RYR3: variants seen among roughly 807,000 people sequenced by gnomAD.
RYR3 encodes brain ryanodine receptor-calcium release channel.
A neutral mutation model predicts 584.3 loss-of-function variants in RYR3; 207 were observed. The observed-to-expected ratio is 0.35, with a 90% CI of 0.32 to 0.40. RYR3 has a LOEUF of 0.40. RYR3 is among the 10% of genes least tolerant of loss of function. The pLI is 1.00. For missense variants in RYR3, 5,616 were observed against 6,089.2 expected (o/e 0.92, Z 2.59); for synonymous variants, 2,416 against 2,248.5 (o/e 1.07, Z -2.11).
chr15:33,566,972 C>T (rs1304195325), intron 12 of RYR3, among the ~76,000 whole-genome samples, 173 bp downstream of exon 12: 3 of 152,200 alleles, frequency 2.0e-5, no homozygotes, highest in South Asian at 4.1e-4. Flanking sequence ...TAGGCGAACT[C>T]CTACTAGCTT....
chr15:33,710,925 G>A (rs976563345), intron 43 of RYR3, among the ~76,000 whole-genome samples: 1 of 152,184 alleles, frequency 6.6e-6, no homozygotes, highest in Admixed American at 6.5e-5. Flanking sequence ...CTAAGCCTCT[G>A]GGCCTATGAT....
At chr15:33,735,713 C>T (rs952769720) in intron 48 of RYR3, among the ~76,000 whole-genome samples, 6 of 152,156 alleles carry the variant, frequency 3.9e-5, no homozygotes, top group African/African-American at 1.2e-4. Context: ...TGCCTATTAA[C>T]GGAGTTGTTT....
At chr15:33,428,192 C>T (rs533543829) in intron 1 of RYR3, among the ~76,000 whole-genome samples, 36 of 152,224 alleles carry the variant, frequency 2.4e-4, no homozygotes, top group African/African-American at 7.2e-4. Context: ...ATATAGATGG[C>T]GCACATTTCC....
At chr15:33,694,954 T>G (rs1437808316) in intron 38 of RYR3, among the ~76,000 whole-genome samples, 1 of 152,218 alleles carries the variant, frequency 6.6e-6, no homozygotes, top group Non-Finnish European at 1.5e-5. Context: ...TTTATATCCT[T>G]ACGATGAGCC....
chr15:33,788,261 G>A lies in RYR3; in HGVS notation c.9633G>A (p.Leu3211=), dbSNP rs2152913037. 2 of 1,614,018 alleles carry A rather than the reference G, an allele frequency of 1.2e-6. No individual in the cohort carries two copies. The highest frequency in any genetic ancestry group is 2.2e-5 in the South Asian group (2 of 91,084). ...TCAGCAAAGCCAGGCCCGACCTGCT[G>A]AGAAGCCACTTCATCCCAACTCTGG... is the stretch of plus-strand genomic sequence containing the variant. The part of the protein sequence containing the change: ...PIISKARPDL[L]RSHFIPTLEK... The change falls in exon 67 of 104, where the codon CTG becomes CTA. Residue 3211 remains leucine, a synonymous_variant. Transcript: ENST00000634891.
chr15:33,587,502 A>C (rs926441052), intron 16 of RYR3, among the ~76,000 whole-genome samples: 1 of 152,222 alleles, frequency 6.6e-6, no homozygotes. Context: ...ACTTGGTGGC[A>C]AGTTGATTAC....
chr15:33,329,427 C>T (rs1240003406), intron 1 of RYR3, among the ~76,000 whole-genome samples: 1 of 152,166 alleles, frequency 6.6e-6, no homozygotes, highest in Non-Finnish European at 1.5e-5. Context: ...CCAGAATATA[C>T]TTGGCTCAAA....
At chr15:33,669,857 G>GGGTGGT (rs1555401713) in intron 37 of RYR3, among the ~76,000 whole-genome samples, 1 of 60,252 alleles carries the variant, frequency 1.7e-5, no homozygotes, top group African/African-American at 6.9e-5. Context: ...GGGGGGGGGG[G>GGGTGGT]GTGTGGGTGT....
chr15:33,369,138 A>G (rs1035017308), intron 1 of RYR3, among the ~76,000 whole-genome samples: 2 of 149,696 alleles, frequency 1.3e-5, no homozygotes, highest in Middle Eastern at 3.3e-3. Flanking sequence ...GTTTGCAGAG[A>G]AGGAAACTGA....
chr15:33,635,587 C>T, intron 25 of RYR3, 27 bp from the exon 26 acceptor site: 1 of 1,583,496 alleles, frequency 6.3e-7, no homozygotes, highest in Middle Eastern at 1.7e-4. Context: ...CTTCCACACC[C>T]TCTGTTCGCC....
chr15:33,473,732 A>G (rs1420920856), intron 2 of RYR3, among the ~76,000 whole-genome samples, 194 bp downstream of exon 2: 1 of 152,246 alleles, frequency 6.6e-6, no homozygotes, highest in Non-Finnish European at 1.5e-5. Flanking sequence ...AACCCAGAGC[A>G]CTATGAAGAA....
At chr15:33,724,228 A>G (rs1016567802) in intron 45 of RYR3, 52 bp downstream of exon 45, 2 of 971,650 alleles carry the variant, frequency 2.1e-6, no homozygotes, top group African/African-American at 3.2e-5. Flanking sequence ...TGCCAAGAAC[A>G]CTATAGATTT....
intron 1 of RYR3, among the ~76,000 whole-genome samples, chr15:33,381,529 A>T (rs2041190784): frequency 6.6e-6 from 1 of 152,090 alleles, no homozygotes. Context: ...ATGGCTCAGC[A>T]TCCCTTCCTC....
chr15:33,471,718 T>A lies in RYR3; in HGVS notation c.52-1701T>A, dbSNP rs142223569. ...GTTTCTTTTTACTGGTTAACTGTGG[T>A]GGGGGAGACACATAACTATTTCTCA... is the stretch of plus-strand genomic sequence containing the variant. On this transcript the variant is annotated intron_variant, in intron 1 of 103. Coordinates refer to ENST00000634891, the MANE Select transcript of RYR3 (RefSeq NM_001036.6). Among the ~76,000 whole-genome samples, 105 of 151,880 alleles carry A rather than the reference T, an allele frequency of 6.9e-4. 1 individual carries two copies. In the East Asian group the frequency reaches 0.019, roughly 27 times the overall value.
At chr15:33,746,522 G>A (rs1027024515) in intron 53 of RYR3, among the ~76,000 whole-genome samples, 16 of 152,114 alleles carry the variant, frequency 1.1e-4, no homozygotes, top group African/African-American at 3.9e-4. Flanking sequence ...GACAAGGCCG[G>A]GTGTGGTGGC....
chr15:33,485,571 G>A (rs1478057535), intron 2 of RYR3, among the ~76,000 whole-genome samples: 1 of 152,182 alleles, frequency 6.6e-6, no homozygotes, highest in African/African-American at 2.4e-5. Context: ...TGAATAGGAA[G>A]GAAAACGTCA....
chr15:33,748,256 A>C lies in RYR3; in HGVS notation c.8132A>C (p.Asn2711Thr). The C allele has an allele frequency of 1.9e-6, 3 of 1,613,704 alleles. No individual in the cohort carries two copies. Among genetic ancestry groups the C allele is most frequent in the Non-Finnish European group, 2.5e-6 (3 of 1,179,812 alleles). The change falls in exon 54 of 104, where the codon AAC (asparagine) becomes ACC (threonine). Residue 2711 changes from asparagine to threonine, a missense_variant. By Grantham distance (65) the Asn-to-Thr change is moderately conservative. Transcript: ENST00000634891. ...NEKLRSVSQA[N>T]QGNSYSPAPL... is the part of the protein sequence containing the mutation. ...AAGCTTCGAAGTGTGTCCCAGGCCA[A>C]CCAGGTATGACACCACACCCAGAGG...
At chr15:33,561,317 G>A (rs140906196) in intron 10 of RYR3, among the ~76,000 whole-genome samples, 108 of 152,348 alleles carry the variant, frequency 7.1e-4, no homozygotes, top group Non-Finnish European at 1.2e-3. Flanking sequence ...AGAACAGCAG[G>A]AGAGACTAAC....
intron 29 of RYR3, among the ~76,000 whole-genome samples, 153 bp downstream of exon 29, chr15:33,646,679 C>T (rs8031288): frequency 0.033 from 4,962 of 152,288 alleles, 267 homozygotes; most frequent in African/African-American, 0.11. Context: ...TGTATGTGCA[C>T]GCATGTACAT....
Sources: gnomAD v4.1 joint callset for allele counts (sites outside exome capture counted in the v4.1 genomes callset) on GRCh38, gnomAD v4.1.1 for gene constraint, MANE v1.5 for transcripts, NCBI Gene and HGNC (gene_info 2026-07-23, HGNC 2026-07-21) for gene names.